Variants in PPP4C observed in about 807,000 individuals in gnomAD.
The protein encoded by PPP4C is serine/threonine-protein phosphatase 4 catalytic subunit.
A neutral mutation model predicts 40.5 loss-of-function variants in PPP4C; 10 were observed. That is an observed-to-expected ratio of 0.25 (90% CI 0.15 to 0.42). The LOEUF is 0.42. Among genes scored for constraint, PPP4C ranks in the 10% least tolerant of loss-of-function variants. PPP4C has a pLI of 1.00. For missense variants in PPP4C, 191 were observed against 416.4 expected (o/e 0.46, Z 4.71); for synonymous variants, 187 against 163.6 (o/e 1.14, Z -1.09).
chr16:30,079,332 G>A (rs2072461271), intron 2 of PPP4C, among the ~76,000 whole-genome samples: 1 of 151,922 alleles, frequency 6.6e-6, no homozygotes, highest in South Asian at 2.1e-4. Flanking sequence ...TGGGATTACA[G>A]GCACGCGCCA....
chr16:30,078,892 G>A (rs2072452802), intron 2 of PPP4C, among the ~76,000 whole-genome samples: 1 of 152,230 alleles, frequency 6.6e-6, no homozygotes, highest in Non-Finnish European at 1.5e-5. Flanking sequence ...TGCGCTGGTA[G>A]CCGTTACTGC....
chr16:30,082,046 C>A (rs1237037435), intron 3 of PPP4C, among the ~76,000 whole-genome samples: 1 of 144,692 alleles, frequency 6.9e-6, no homozygotes, highest in Non-Finnish European at 1.5e-5. Flanking sequence ...CAGAGTGAGA[C>A]TCCGTCTAAA....
At chr16:30,084,500 T>C (rs1346672578) in intron 7 of PPP4C, among the ~76,000 whole-genome samples, 166 bp from the exon 8 acceptor site, 1 of 152,228 alleles carries the variant, frequency 6.6e-6, no homozygotes, top group Non-Finnish European at 1.5e-5. Context: ...CTACATTTGC[T>C]GTCCTGGTCC....
At chr16:30,079,210 CAG>C (rs1413316451) in intron 2 of PPP4C, among the ~76,000 whole-genome samples, 3 of 145,288 alleles carry the variant, frequency 2.1e-5, no homozygotes, top group Non-Finnish European at 4.5e-5. Context: ...TTTTTTGAGA[CAG>C]AGTTTTGCTG....
At position 30,084,805 on chromosome 16, in the gene PPP4C, C is replaced by T. The variant is rs773937849; in HGVS notation, c.744C>T (p.His248=). 2 of 1,614,280 alleles carry T rather than the reference C, an allele frequency of 1.2e-6. No individual in the cohort carries two copies. Among genetic ancestry groups the T allele is most frequent in the South Asian group, 1.1e-5 (1 of 91,092 alleles). The change falls in exon 8 of 9, where the codon CAC becomes CAT. Residue 248 remains histidine, a synonymous_variant. Transcript: ENST00000279387. ...HQLVMEGYKW[H]FNETVLTVWS... The stretch of plus-strand genomic sequence containing the variant: ...TGGTGATGGAAGGTTACAAGTGGCA[C>T]TTCAATGAGACGGTGCTCACTGTGT...
intron 3 of PPP4C, among the ~76,000 whole-genome samples, chr16:30,081,845 G>A (rs2072513985): frequency 6.6e-6 from 1 of 152,088 alleles, no homozygotes; most frequent in Non-Finnish European, 1.5e-5. Flanking sequence ...ATGAGGTCAG[G>A]AGATCGAGAC....
At chr16:30,080,631 C>A (rs1040845679) in intron 2 of PPP4C, among the ~76,000 whole-genome samples, 1 of 151,698 alleles carries the variant, frequency 6.6e-6, no homozygotes, top group African/African-American at 2.4e-5. Flanking sequence ...CTCAGCCTCC[C>A]AAGTAGCTGG....
Position 30,076,058 on chromosome 16 carries a change from A to G in PPP4C, c.-100A>G, listed in dbSNP as rs1000492029. 1.7e-5 allele frequency: 7 copies of G among 417,674 alleles called. No individual in the cohort carries two copies. In the East Asian group the frequency reaches 2.9e-4, roughly 17 times the overall value. The allele number at this position is 417,674 out of a possible 1,614,324, so 25.9% of individuals were successfully genotyped here. On this transcript the variant is annotated 5_prime_UTR_variant, in exon 1 of 9. Coordinates refer to ENST00000279387, the MANE Select transcript of PPP4C (RefSeq NM_002720.3). ...CGAAAGCGGAGTGAAAGAGGGAGGC[A>G]GGGAGCCGGAGAGCCGGAACCGGAG...
At chr16:30,078,364 A>G (rs572567701) in intron 2 of PPP4C, among the ~76,000 whole-genome samples, 208 of 152,254 alleles carry the variant, frequency 1.4e-3, no homozygotes, top group African/African-American at 4.6e-3. Flanking sequence ...CAGGTCTTTG[A>G]CTGTGCTCCG....
At chr16:30,079,043 C>T (rs1416517875) in intron 2 of PPP4C, among the ~76,000 whole-genome samples, 2 of 152,094 alleles carry the variant, frequency 1.3e-5, no homozygotes, top group South Asian at 2.1e-4. Flanking sequence ...CATGTGACCT[C>T]CCTGGGCTTC....
chr16:30,077,848 G>C (rs1319845006), intron 2 of PPP4C, among the ~76,000 whole-genome samples: 1 of 152,228 alleles, frequency 6.6e-6, no homozygotes, highest in Non-Finnish European at 1.5e-5. Context: ...TGGCAGAGCT[G>C]GGTCCTGAAT....
chr16:30,076,791 G>T (rs1472186246), intron 2 of PPP4C, among the ~76,000 whole-genome samples: 1 of 152,188 alleles, frequency 6.6e-6, no homozygotes, highest in Non-Finnish European at 1.5e-5. Flanking sequence ...TGTGGGAGAG[G>T]CCTCGAATAA....
intron 2 of PPP4C, among the ~76,000 whole-genome samples, chr16:30,078,992 C>G (rs555525537): frequency 1.3e-5 from 2 of 151,982 alleles, no homozygotes; most frequent in Non-Finnish European, 2.9e-5. Context: ...ACTGGGGTTG[C>G]GCTGGCACTG....
intron 7 of PPP4C, among the ~76,000 whole-genome samples, chr16:30,084,357 CAG>C (rs943920041): frequency 3.9e-5 from 6 of 152,252 alleles, no homozygotes; most frequent in Non-Finnish European, 7.3e-5. Context: ...TGTGACAACA[CAG>C]GGTGCCCTTC....
At position 30,082,852 on chromosome 16, in the gene PPP4C, C is replaced by G; in HGVS notation, c.303+5C>G. ...CTCCTGCTGCTGGCACTTAAGGTGGCAGTCCCCGGCTTCTGCACCCCCAAC... is the reference window on the plus strand; with the variant it reads ...CTCCTGCTGCTGGCACTTAAGGTGGGAGTCCCCGGCTTCTGCACCCCCAAC... On this transcript the variant is annotated splice_donor_5th_base_variant and intron_variant, in intron 5 of 8. Coordinates refer to ENST00000279387, the MANE Select transcript of PPP4C (RefSeq NM_002720.3). The G allele has an allele frequency of 1.2e-6, 2 of 1,613,044 alleles. No individual in the cohort carries two copies. The highest frequency in any genetic ancestry group is 2.7e-5 in the African/African-American group (2 of 75,004).
Position 30,084,862 on chromosome 16 carries a change from C to T in PPP4C, c.794+7C>T, listed in dbSNP as rs765598801. 1.3e-5 allele frequency: 21 copies of T among 1,613,876 alleles called. No homozygotes were observed. Among genetic ancestry groups the T allele is most frequent in the South Asian group, 3.3e-5 (3 of 91,094 alleles). On this transcript the variant is annotated splice_region_variant and intron_variant, in intron 8 of 8. Transcript: ENST00000279387. ...CACCCAACTACTGCTACCGGTGAGC[C>T]GGCTGGGCCGGGCTGGGATGGGCGG...
chr16:30,077,992 TGACCA>T (rs1182705674), intron 2 of PPP4C, among the ~76,000 whole-genome samples: 2 of 152,236 alleles, frequency 1.3e-5, no homozygotes, highest in African/African-American at 4.8e-5. Context: ...TTTTGCCAGC[TGACCA>T]GACCAGCCCC....
chr16:30,082,024 C>T (rs1190302885), intron 3 of PPP4C, among the ~76,000 whole-genome samples: 1 of 151,332 alleles, frequency 6.6e-6, no homozygotes, highest in Non-Finnish European at 1.5e-5. Context: ...CACCGCACTC[C>T]AGGCTAGGCG....
intron 2 of PPP4C, among the ~76,000 whole-genome samples, chr16:30,076,733 A>G (rs1260467656): frequency 6.6e-6 from 1 of 152,224 alleles, no homozygotes; most frequent in East Asian, 1.9e-4. Context: ...ACTCAAGGAA[A>G]CAAGTCCATC....
Sources: gnomAD v4.1 joint callset for allele counts (sites outside exome capture counted in the v4.1 genomes callset) on GRCh38, gnomAD v4.1.1 for gene constraint, MANE v1.5 for transcripts, NCBI Gene and HGNC (gene_info 2026-07-23, HGNC 2026-07-21) for gene names.